The following GSTCD variants were observed in gnomAD, a reference collection of about 807,000 sequenced individuals.
The protein encoded by GSTCD is glutathione S-transferase C-terminal domain containing.
In GSTCD, 44 loss-of-function variants were observed where a neutral mutation model predicts 68.3. The observed-to-expected ratio is 0.64, with a 90% CI of 0.51 to 0.83. The LOEUF is 0.83. GSTCD is among the 40% of genes least tolerant of loss of function. GSTCD has a pLI of 0.00. For missense variants in GSTCD, 739 were observed against 735.9 expected (o/e 1.00, Z -0.05); for synonymous variants, 273 against 255.2 (o/e 1.07, Z -0.67).
intron 5 of GSTCD, among the ~76,000 whole-genome samples, chr4:105,738,512 T>G (rs891821941): frequency 6.6e-6 from 1 of 152,218 alleles, no homozygotes; most frequent in African/African-American, 2.4e-5. Flanking sequence ...TTCTAAAGCA[T>G]GAACATGGAT....
chr4:105,834,607 G>A lies in GSTCD; in HGVS notation c.1664+13G>A, dbSNP rs543237199. 1.9e-6 allele frequency: 3 copies of A among 1,613,310 alleles called. No homozygotes were observed. The South Asian group carries it at 3.3e-5, about 18-fold the overall frequency. On this transcript the variant is annotated intron_variant, in intron 9 of 11. Transcript: ENST00000515279. ...ATTTTCCAAAAAGGTGAGAAATTCAGTGTTCTACATAAGACACCAACATGG... is the reference window on the plus strand; with the variant it reads ...ATTTTCCAAAAAGGTGAGAAATTCAATGTTCTACATAAGACACCAACATGG...
chr4:105,771,562 G>T (rs766377055), intron 5 of GSTCD, among the ~76,000 whole-genome samples: 1 of 152,134 alleles, frequency 6.6e-6, no homozygotes, highest in Non-Finnish European at 1.5e-5. Context: ...TGTAAGGAAG[G>T]GGTCCAGTTT....
At chr4:105,727,139 C>A (rs1005395346) in intron 4 of GSTCD, among the ~76,000 whole-genome samples, 3 of 144,388 alleles carry the variant, frequency 2.1e-5, no homozygotes, top group African/African-American at 5.3e-5. Context: ...TAGCATCATA[C>A]CTGGTCAAGT....
chr4:105,798,331 C>A (rs184800444), intron 5 of GSTCD, among the ~76,000 whole-genome samples: 1 of 152,086 alleles, frequency 6.6e-6, no homozygotes, highest in Admixed American at 6.6e-5. Context: ...GAATTAACTT[C>A]TTCAACACTC....
At chr4:105,738,486 TG>T (rs753116385) in intron 5 of GSTCD, among the ~76,000 whole-genome samples, 4 of 152,194 alleles carry the variant, frequency 2.6e-5, no homozygotes, top group East Asian at 3.8e-4. Context: ...GTACTATGAT[TG>T]TTTTTAACAT....
chr4:105,782,519 C>A (rs1735316358), intron 5 of GSTCD, among the ~76,000 whole-genome samples: 1 of 151,868 alleles, frequency 6.6e-6, no homozygotes, highest in South Asian at 2.1e-4. Flanking sequence ...AAAACAACCA[C>A]CAAAAAACAG....
intron 1 of GSTCD, among the ~76,000 whole-genome samples, chr4:105,716,057 A>G (rs1732670621): frequency 6.6e-6 from 1 of 152,188 alleles, no homozygotes; most frequent in Admixed American, 6.5e-5. Flanking sequence ...ACCAGTATGT[A>G]TATTTATCTC....
chr4:105,787,330 A>C (rs1327771971), intron 5 of GSTCD, among the ~76,000 whole-genome samples: 1 of 152,098 alleles, frequency 6.6e-6, no homozygotes, highest in East Asian at 1.9e-4. Flanking sequence ...ATGCCAGTGC[A>C]TTGGTCCAGG....
intron 4 of GSTCD, among the ~76,000 whole-genome samples, chr4:105,728,397 T>G (rs1733110672): frequency 6.6e-6 from 1 of 152,258 alleles, no homozygotes; most frequent in South Asian, 2.1e-4. Flanking sequence ...GTGGCTAGAC[T>G]GAAGAAGATA....
At chr4:105,734,262 G>C (rs1193064927) in intron 5 of GSTCD, among the ~76,000 whole-genome samples, 4 of 152,266 alleles carry the variant, frequency 2.6e-5, no homozygotes, top group South Asian at 2.1e-4. Flanking sequence ...AGTTCTCCTG[G>C]ATAATATCCT....
At chr4:105,714,738 T>C (rs1732635701) in intron 1 of GSTCD, among the ~76,000 whole-genome samples, 6 of 152,100 alleles carry the variant, frequency 3.9e-5, no homozygotes, top group Admixed American at 3.9e-4. Flanking sequence ...CAACAGTACT[T>C]TGTTGCATTT....
chr4:105,813,381 G>A (rs1176870965), intron 5 of GSTCD, among the ~76,000 whole-genome samples: 1 of 151,964 alleles, frequency 6.6e-6, no homozygotes, highest in African/African-American at 2.4e-5. Flanking sequence ...TGCAACAAGT[G>A]GAAAATTCCA....
intron 5 of GSTCD, among the ~76,000 whole-genome samples, chr4:105,737,272 G>A (rs766283981): frequency 1.9e-4 from 29 of 152,144 alleles, no homozygotes; most frequent in African/African-American, 6.3e-4. Flanking sequence ...AATAATAGAC[G>A]TTCTAACTGG....
chr4:105,823,098 A>G, intron 6 of GSTCD, 29 bp downstream of exon 6: 1 of 1,581,088 alleles, frequency 6.3e-7, no homozygotes, highest in South Asian at 1.1e-5. Flanking sequence ...CATCCTTTTT[A>G]GTCTTTCTAA....
intron 5 of GSTCD, among the ~76,000 whole-genome samples, chr4:105,741,208 A>C (rs377094731): frequency 1.3e-5 from 2 of 152,236 alleles, no homozygotes; most frequent in East Asian, 1.9e-4. Context: ...TCTGTTAATC[A>C]AGGAAATAAT....
chr4:105,840,467 A>C (rs561552696), intron 10 of GSTCD: 1 of 236,082 alleles, frequency 4.2e-6, no homozygotes, highest in African/African-American at 2.2e-5. Flanking sequence ...TAAAAAACCA[A>C]CATTGCCACA....
At chr4:105,811,268 T>G (rs2149266928) in intron 5 of GSTCD, among the ~76,000 whole-genome samples, 1 of 152,206 alleles carries the variant, frequency 6.6e-6, no homozygotes, top group Admixed American at 6.5e-5. Context: ...TATATCTCTT[T>G]CCTCTTAGTA....
chr4:105,820,775 T>C (rs765373795), intron 5 of GSTCD, among the ~76,000 whole-genome samples: 8 of 151,928 alleles, frequency 5.3e-5, no homozygotes, highest in Non-Finnish European at 7.4e-5. Flanking sequence ...CATTTCTACA[T>C]GTATTTTTTT....
At chr4:105,714,957 C>G (rs185676063) in intron 1 of GSTCD, among the ~76,000 whole-genome samples, 129 of 152,214 alleles carry the variant, frequency 8.5e-4, no homozygotes, top group Admixed American at 1.4e-3. Flanking sequence ...ATCTTAAAAG[C>G]TATTAAATAG....
Sources: gnomAD v4.1 joint callset for allele counts (sites outside exome capture counted in the v4.1 genomes callset) on GRCh38, gnomAD v4.1.1 for gene constraint, MANE v1.5 for transcripts, NCBI Gene and HGNC (gene_info 2026-07-23, HGNC 2026-07-21) for gene names.